Variants in XYLT1 observed in about 807,000 individuals in gnomAD.
XYLT1 encodes beta-D-xylosyltransferase 1.
In XYLT1, 36 loss-of-function variants were observed where a neutral mutation model predicts 91.3. The ratio of observed to expected loss-of-function variants is 0.39; its 90% confidence interval spans 0.30 to 0.52. XYLT1 has a LOEUF of 0.52. XYLT1 is among the 20% of genes least tolerant of loss of function. The pLI is 0.68. For synonymous variants in XYLT1, 588 were observed against 532.0 expected (o/e 1.11, Z -1.45); for missense variants, 1,242 against 1,284.5 (o/e 0.97, Z 0.51).
At chr16:17,138,962 T>A (rs1165140984) in intron 7 of XYLT1, among the ~76,000 whole-genome samples, 1 of 152,196 alleles carries the variant, frequency 6.6e-6, no homozygotes, top group East Asian at 1.9e-4. Context: ...AGATTGATGG[T>A]TGCATTAGAC....
At chr16:17,254,073 C>T (rs2033591600) in intron 3 of XYLT1, among the ~76,000 whole-genome samples, 1 of 152,182 alleles carries the variant, frequency 6.6e-6, no homozygotes, top group Admixed American at 6.5e-5. Context: ...AAAGGGTTCA[C>T]AATAGACTCA....
chr16:17,149,928 C>T (rs374748247), intron 6 of XYLT1, among the ~76,000 whole-genome samples: 43 of 152,258 alleles, frequency 2.8e-4, no homozygotes, highest in East Asian at 9.6e-4. Context: ...ATGTCCATTA[C>T]GATGCTTTAT....
intron 3 of XYLT1, among the ~76,000 whole-genome samples, chr16:17,221,822 A>C (rs539888108): frequency 3.8e-4 from 58 of 152,164 alleles, no homozygotes; most frequent in Non-Finnish European, 6.8e-4. Flanking sequence ...TAGAGCACTA[A>C]AATCCAGTAT....
chr16:17,376,909 G>A (rs1287291121), intron 1 of XYLT1, among the ~76,000 whole-genome samples: 1 of 151,628 alleles, frequency 6.6e-6, no homozygotes, highest in Non-Finnish European at 1.5e-5. Context: ...AGGTGTGGTG[G>A]CTCACACCTG....
chr16:17,291,972 A>T lies in XYLT1; in HGVS notation c.403-32474T>A, dbSNP rs140731164. ...GAGGCCGAGACCTGTGGATCTCTTG[A>T]CCCCAGGAGTTCAAGACCAGCCTGG... On this transcript the variant is annotated intron_variant, in intron 2 of 11. Coordinates refer to ENST00000261381, the MANE Select transcript of XYLT1 (RefSeq NM_022166.4). Among the ~76,000 whole-genome samples, 624 of 151,874 alleles carry T rather than the reference A, an allele frequency of 4.1e-3. 11 individuals carry two copies. The East Asian group carries it at 0.044, about 11-fold the overall frequency.
intron 2 of XYLT1, among the ~76,000 whole-genome samples, chr16:17,347,557 T>TA (rs1266217959): frequency 6.6e-6 from 1 of 152,180 alleles, no homozygotes; most frequent in Admixed American, 6.5e-5. Flanking sequence ...ATCTTCTCTC[T>TA]AAAAAAAGAG....
intron 3 of XYLT1, among the ~76,000 whole-genome samples, chr16:17,242,910 C>G (rs1393358335): frequency 1.3e-5 from 2 of 152,314 alleles, no homozygotes; most frequent in East Asian, 3.9e-4. Flanking sequence ...CGTGAAGTCC[C>G]CCAGGTGCAT....
At chr16:17,416,333 G>A (rs571130229) in intron 1 of XYLT1, among the ~76,000 whole-genome samples, 2 of 152,194 alleles carry the variant, frequency 1.3e-5, no homozygotes, top group Non-Finnish European at 2.9e-5. Context: ...GCCTTGCCAC[G>A]ACCTCATTAG....
intron 1 of XYLT1, among the ~76,000 whole-genome samples, chr16:17,404,407 T>C (rs2036005512): frequency 6.6e-6 from 1 of 152,210 alleles, no homozygotes; most frequent in Non-Finnish European, 1.5e-5. Context: ...ACAGCCACAG[T>C]AACTGACACA....
At chr16:17,367,602 C>T (rs137958423) in intron 1 of XYLT1, among the ~76,000 whole-genome samples, 57 of 152,288 alleles carry the variant, frequency 3.7e-4, no homozygotes, top group African/African-American at 1.3e-3. Flanking sequence ...CTCTGTTCCA[C>T]AGGAAAATAG....
chr16:17,465,903 A>G (rs1198111217), intron 1 of XYLT1, among the ~76,000 whole-genome samples: 1 of 152,186 alleles, frequency 6.6e-6, no homozygotes, highest in Non-Finnish European at 1.5e-5. Context: ...TCAGATTCAC[A>G]GAGGACCGAA....
intron 1 of XYLT1, among the ~76,000 whole-genome samples, chr16:17,429,423 C>T (rs1263372732): frequency 6.6e-6 from 1 of 152,246 alleles, no homozygotes; most frequent in African/African-American, 2.4e-5. Context: ...TTGCTCTCAC[C>T]TCCAAGGATG....
At chr16:17,199,107 C>T (rs2032485853) in intron 4 of XYLT1, among the ~76,000 whole-genome samples, 1 of 152,202 alleles carries the variant, frequency 6.6e-6, no homozygotes, top group East Asian at 1.9e-4. Context: ...GGAAATATGG[C>T]TCCATCTAAA....
chr16:17,128,642 A>G (rs2030348303), intron 9 of XYLT1, among the ~76,000 whole-genome samples: 1 of 152,204 alleles, frequency 6.6e-6, no homozygotes, highest in East Asian at 1.9e-4. Flanking sequence ...CCAATCTGAG[A>G]TAAACACACA....
intron 11 of XYLT1, among the ~76,000 whole-genome samples, chr16:17,111,353 G>A (rs1227855339): frequency 3.3e-5 from 5 of 152,114 alleles, no homozygotes; most frequent in Admixed American, 6.5e-5. Context: ...TTTTGAAGAC[G>A]TTCACATTCA....
intron 6 of XYLT1, among the ~76,000 whole-genome samples, chr16:17,154,638 G>A (rs750692235): frequency 2.6e-5 from 4 of 152,234 alleles, no homozygotes; most frequent in Non-Finnish European, 5.9e-5. Context: ...GTCTTGCAAT[G>A]TATCTAGTGA....
At chr16:17,189,905 G>C (rs1406788038) in intron 5 of XYLT1, among the ~76,000 whole-genome samples, 2 of 152,182 alleles carry the variant, frequency 1.3e-5, no homozygotes, top group Non-Finnish European at 2.9e-5. Context: ...AATTAGCCAG[G>C]TGTGGTGGTG....
intron 2 of XYLT1, among the ~76,000 whole-genome samples, chr16:17,281,233 C>A (rs573161048): frequency 6.6e-6 from 1 of 151,550 alleles, no homozygotes; most frequent in African/African-American, 2.4e-5. Flanking sequence ...CCCCAGTGCC[C>A]GGTCACGCCC....
chr16:17,430,767 A>G (rs937426019), intron 1 of XYLT1, among the ~76,000 whole-genome samples: 1 of 152,214 alleles, frequency 6.6e-6, no homozygotes, highest in Admixed American at 6.5e-5. Flanking sequence ...ATAAAAACAG[A>G]GCTAACCAGC....
Sources: gnomAD v4.1 joint callset for allele counts (sites outside exome capture counted in the v4.1 genomes callset) on GRCh38, gnomAD v4.1.1 for gene constraint, MANE v1.5 for transcripts, NCBI Gene and HGNC (gene_info 2026-07-23, HGNC 2026-07-21) for gene names.